Variants in ESRRB observed in about 807,000 individuals in gnomAD.
The protein encoded by ESRRB is estrogen related receptor beta, also known as steroid hormone receptor ERR2.
A neutral mutation model predicts 46.0 loss-of-function variants in ESRRB; 16 were observed. The observed-to-expected ratio is 0.35, with a 90% confidence interval of 0.24 to 0.53. ESRRB has a LOEUF of 0.53. Ranked by LOEUF, ESRRB falls within the 20% of genes least tolerant of loss-of-function variation. The pLI, the probability that ESRRB is intolerant of heterozygous loss-of-function variation, is 0.93. For missense variants in ESRRB, 488 were observed against 607.4 expected (o/e 0.80, Z 2.07); for synonymous variants, 246 against 259.6 (o/e 0.95, Z 0.50).
At chr14:76,397,693 C>A (rs111361008) in intron 1 of ESRRB, among the ~76,000 whole-genome samples, 3,909 of 152,208 alleles carry the variant, frequency 0.026, 93 homozygotes, top group Admixed American at 0.071. Context: ...TTGTTTGAGA[C>A]CAGGAGTTCG....
chr14:76,389,256 C>T (rs960493759), intron 1 of ESRRB, among the ~76,000 whole-genome samples: 3 of 152,192 alleles, frequency 2.0e-5, no homozygotes, highest in African/African-American at 7.2e-5. Context: ...CCTGACTTCT[C>T]CCTGGGGGAA....
At chr14:76,387,016 C>T (rs1885259124) in intron 1 of ESRRB, among the ~76,000 whole-genome samples, 1 of 152,094 alleles carries the variant, frequency 6.6e-6, no homozygotes, top group Non-Finnish European at 1.5e-5. Flanking sequence ...GTTACCCTTG[C>T]CCCACCCTGG....
At chr14:76,425,435 G>C (rs1250794801) in intron 1 of ESRRB, among the ~76,000 whole-genome samples, 4 of 152,058 alleles carry the variant, frequency 2.6e-5, no homozygotes. Flanking sequence ...ATCGAATGGG[G>C]GTGGGTTGGA....
chr14:76,466,740 G>A (rs1455786047), intron 3 of ESRRB, among the ~76,000 whole-genome samples: 1 of 150,506 alleles, frequency 6.6e-6, no homozygotes, highest in East Asian at 1.9e-4. Flanking sequence ...TTTTGAGAAA[G>A]ACAAAAAAAA....
At chr14:76,495,127 T>G (rs1369506375) in intron 6 of ESRRB, among the ~76,000 whole-genome samples, 1 of 152,032 alleles carries the variant, frequency 6.6e-6, no homozygotes, top group African/African-American at 2.4e-5. Context: ...TACCCACATA[T>G]GCAGCCACAT....
intron 2 of ESRRB, among the ~76,000 whole-genome samples, chr14:76,461,202 C>T (rs1888844472): frequency 6.6e-6 from 1 of 152,166 alleles, no homozygotes; most frequent in Non-Finnish European, 1.5e-5. Flanking sequence ...AAGGTCAGTT[C>T]AACCTAAATA....
At chr14:76,357,103 C>T (rs113931054) in intron 1 of ESRRB, among the ~76,000 whole-genome samples, 3 of 141,668 alleles carry the variant, frequency 2.1e-5, no homozygotes, top group Non-Finnish European at 4.8e-5. Context: ...CGCCACTCCT[C>T]CCCAATGAGG....
intron 2 of ESRRB, among the ~76,000 whole-genome samples, chr14:76,443,290 G>A (rs192235385): frequency 4.5e-4 from 69 of 152,124 alleles, no homozygotes; most frequent in African/African-American, 1.6e-3. Flanking sequence ...TTTGAGCATC[G>A]TCTTTATCAG....
chr14:76,363,883 A>G (rs1377390890), intron 1 of ESRRB, among the ~76,000 whole-genome samples: 1 of 152,214 alleles, frequency 6.6e-6, no homozygotes, highest in Non-Finnish European at 1.5e-5. Context: ...CTTGGGTTCT[A>G]ATCCCAGACT....
At chr14:76,469,626 T>A (rs542133434) in intron 3 of ESRRB, among the ~76,000 whole-genome samples, 1 of 152,288 alleles carries the variant, frequency 6.6e-6, no homozygotes, top group Non-Finnish European at 1.5e-5. Context: ...CAACCCACCT[T>A]AGCCCCTCAA....
At chr14:76,323,926 C>G (rs77312203) in intron 1 of ESRRB, among the ~76,000 whole-genome samples, 2 of 152,116 alleles carry the variant, frequency 1.3e-5, no homozygotes, top group Non-Finnish European at 2.9e-5. Flanking sequence ...CTTCATCTGA[C>G]GAAGGCATGT....
chr14:76,432,460 CCTT>C (rs1328043352), intron 1 of ESRRB, among the ~76,000 whole-genome samples: 4 of 152,182 alleles, frequency 2.6e-5, no homozygotes, highest in Non-Finnish European at 5.9e-5. Flanking sequence ...AAACTTCCCT[CCTT>C]CTCCTAGTCC....
chr14:76,372,543 G>C (rs1353581972), upstream of ESRRB, among the ~76,000 whole-genome samples: 1 of 152,162 alleles, frequency 6.6e-6, no homozygotes, highest in Admixed American at 6.5e-5. Flanking sequence ...AGTAGGAAAA[G>C]CAGAGTGGCG....
At chr14:76,460,709 A>AT (rs58597850) in intron 2 of ESRRB, among the ~76,000 whole-genome samples, 9 of 141,650 alleles carry the variant, frequency 6.4e-5, no homozygotes, top group Non-Finnish European at 7.5e-5. Flanking sequence ...TTCCAGTTAC[A>AT]TTTTTTTTTG....
Position 76,482,154 on chromosome 14 carries a change from T to G in ESRRB, c.688+28T>G, listed in dbSNP as rs1345127670. On this transcript the variant is annotated intron_variant, in intron 4 of 6. Coordinates refer to ENST00000644823, the MANE Select transcript of ESRRB (RefSeq NM_001379180.1). The surrounding 1 kb of genome is among the most constrained non-coding windows in gnomAD (Gnocchi z 4.3). ...GAGTGTCAGGGCAGTCCCTGCCCCT[T>G]TTGCCAGCATCTGTACCTGGAACAT... 5 of 1,520,654 alleles carry G rather than the reference T, an allele frequency of 3.3e-6. No individual in the cohort carries two copies. Among genetic ancestry groups the G allele is most frequent in the Non-Finnish European group, 4.6e-6 (5 of 1,095,080 alleles). 94.2% of individuals were successfully genotyped at this position (1,520,654 alleles called of 1,614,324 possible).
upstream of ESRRB, among the ~76,000 whole-genome samples, chr14:76,367,370 C>T (rs1425054125): frequency 6.6e-6 from 1 of 152,024 alleles, no homozygotes; most frequent in African/African-American, 2.4e-5. Flanking sequence ...CCCTGGGCAA[C>T]ATAGTGAGAC....
At chr14:76,442,189 A>T (rs558892249) in intron 2 of ESRRB, among the ~76,000 whole-genome samples, 1 of 152,086 alleles carries the variant, frequency 6.6e-6, no homozygotes, top group Non-Finnish European at 1.5e-5. Flanking sequence ...AAAAAGTGAG[A>T]TATCAGCTGG....
chr14:76,448,574 G>T (rs2139956148), intron 2 of ESRRB, among the ~76,000 whole-genome samples: 1 of 151,424 alleles, frequency 6.6e-6, no homozygotes, highest in South Asian at 2.1e-4. Context: ...GGTCTCAAAT[G>T]ATCTGCCAGC....
At chr14:76,450,716 C>T (rs1888349422) in intron 2 of ESRRB, among the ~76,000 whole-genome samples, 1 of 152,136 alleles carries the variant, frequency 6.6e-6, no homozygotes, top group African/African-American at 2.4e-5. Flanking sequence ...CTGGAGAATG[C>T]AGCTGGCGGA....
Sources: gnomAD v4.1 joint callset for allele counts (sites outside exome capture counted in the v4.1 genomes callset) on GRCh38, gnomAD v4.1.1 for gene constraint, Gnocchi (gnomAD v3.1) non-coding constraint, MANE v1.5 for transcripts, NCBI Gene and HGNC (gene_info 2026-07-23, HGNC 2026-07-21) for gene names.